The following SMYD3 variants were observed in gnomAD, a reference collection of about 807,000 sequenced individuals.
The protein encoded by SMYD3 is histone-lysine N-methyltransferase SMYD3.
In SMYD3, 36 loss-of-function variants were observed where a neutral mutation model predicts 57.7. The ratio of observed to expected loss-of-function variants is 0.62; its 90% CI spans 0.48 to 0.82. The LOEUF (loss-of-function observed/expected upper bound fraction) is 0.82. Among genes scored for constraint, SMYD3 ranks in the 40% least tolerant of loss-of-function variants. The pLI, the probability that SMYD3 is intolerant of heterozygous loss-of-function variation, is 0.00. For synonymous variants in SMYD3, 211 were observed against 195.0 expected (o/e 1.08, Z -0.68); for missense variants, 515 against 538.8 (o/e 0.96, Z 0.44).
intron 10 of SMYD3, among the ~76,000 whole-genome samples, chr1:245,838,953 T>C (rs2050244794): frequency 6.6e-6 from 1 of 152,216 alleles, no homozygotes; most frequent in Admixed American, 6.5e-5. Flanking sequence ...CTCTGAATCC[T>C]GAACTTGGAA....
At position 246,507,257 on chromosome 1, in the gene SMYD3, C is replaced by T; in HGVS notation, c.-40G>A. Reference sequence around the variant, plus strand: ...GGCACCTCAGACGGCTACCCGCGTCCAGCAGCGGGCGTCTCACGGGCTGCC... The same window carrying T: ...GGCACCTCAGACGGCTACCCGCGTCTAGCAGCGGGCGTCTCACGGGCTGCC... On this transcript the variant is annotated 5_prime_UTR_variant, in exon 1 of 12. Transcript: ENST00000490107. The T allele has an allele frequency of 1.4e-6, 2 of 1,455,902 alleles. No individual in the cohort carries two copies. The highest frequency in any genetic ancestry group is 1.8e-6 in the Non-Finnish European group (2 of 1,097,234). 90.2% of individuals were successfully genotyped at this position (1,455,902 alleles called of 1,614,324 possible).
Position 245,856,042 on chromosome 1 carries a change from C to T in SMYD3, c.1076+2454G>A, listed in dbSNP as rs146644777. 5.9e-5 allele frequency among the ~76,000 whole-genome samples: 9 copies of T among 152,362 alleles called. No individual in the cohort carries two copies. The East Asian group carries it at 1.4e-3, about 23-fold the overall frequency. On this transcript the variant is annotated intron_variant, in intron 10 of 11. Transcript: ENST00000490107. ...GAGCCGATGCGGGGGGCTGAGAGCA[C>T]TCAGTGTGAATTCCCTCATGCACAT... is the stretch of plus-strand genomic sequence containing the variant.
chr1:245,962,777 C>T (rs1333374083), intron 5 of SMYD3, among the ~76,000 whole-genome samples: 1 of 141,728 alleles, frequency 7.1e-6, no homozygotes, highest in African/African-American at 2.5e-5. Flanking sequence ...CCAAAGTCGG[C>T]CTGAATACAT....
intron 5 of SMYD3, among the ~76,000 whole-genome samples, chr1:246,194,113 T>C (rs1182291639): frequency 2.6e-5 from 4 of 152,208 alleles, no homozygotes; most frequent in Non-Finnish European, 4.4e-5. Flanking sequence ...AAGAGGTACA[T>C]GAGCAATGGC....
chr1:246,190,946 C>A (rs1016613232), intron 5 of SMYD3, among the ~76,000 whole-genome samples: 2 of 152,188 alleles, frequency 1.3e-5, no homozygotes, highest in Admixed American at 1.3e-4. Context: ...ACTATACTAG[C>A]AAAGCTTACC....
At chr1:246,318,331 T>A (rs2065196929) in intron 5 of SMYD3, among the ~76,000 whole-genome samples, 1 of 152,182 alleles carries the variant, frequency 6.6e-6, no homozygotes, top group Non-Finnish European at 1.5e-5. Flanking sequence ...TATGATCACA[T>A]GACTGCACTC....
intron 1 of SMYD3, among the ~76,000 whole-genome samples, chr1:246,392,133 G>T (rs1264630981): frequency 2.0e-5 from 3 of 151,966 alleles, no homozygotes; most frequent in Non-Finnish European, 4.4e-5. Flanking sequence ...GCAGCATCAG[G>T]TTCTATCACA....
intron 1 of SMYD3, among the ~76,000 whole-genome samples, chr1:246,434,973 A>C (rs2067349369): frequency 6.6e-6 from 1 of 152,228 alleles, no homozygotes; most frequent in African/African-American, 2.4e-5. Context: ...CCCATGGAAT[A>C]CTTAGCCATA....
intron 1 of SMYD3, among the ~76,000 whole-genome samples, chr1:246,481,625 T>C (rs144192406): frequency 0.23 from 19,969 of 88,474 alleles, 2,897 homozygotes; most frequent in Middle Eastern, 0.33. Flanking sequence ...CATATATACA[T>C]ACATACATAC....
At chr1:246,381,601 G>A (rs2066386847) in intron 1 of SMYD3, among the ~76,000 whole-genome samples, 2 of 152,214 alleles carry the variant, frequency 1.3e-5, no homozygotes, top group Non-Finnish European at 2.9e-5. Flanking sequence ...GACTTCCTTA[G>A]AGGAGTGAGT....
chr1:245,799,150 T>G (rs1456843979), intron 10 of SMYD3, among the ~76,000 whole-genome samples: 1 of 152,200 alleles, frequency 6.6e-6, no homozygotes, highest in Non-Finnish European at 1.5e-5. Flanking sequence ...CTTATTCCTA[T>G]TAGGTACAGA....
chr1:246,228,342 C>T (rs1455937419), intron 5 of SMYD3, among the ~76,000 whole-genome samples: 2 of 152,126 alleles, frequency 1.3e-5, no homozygotes, highest in East Asian at 1.9e-4. Context: ...TCCATGTTTA[C>T]TTATCATTAA....
At chr1:246,254,814 G>A (rs2063855335) in intron 5 of SMYD3, among the ~76,000 whole-genome samples, 1 of 152,146 alleles carries the variant, frequency 6.6e-6, no homozygotes, top group Non-Finnish European at 1.5e-5. Context: ...TCTTTCAGCA[G>A]TGTTTTCTAA....
chr1:246,181,799 T>C (rs2062555659), intron 5 of SMYD3, among the ~76,000 whole-genome samples: 1 of 152,184 alleles, frequency 6.6e-6, no homozygotes, highest in South Asian at 2.1e-4. Flanking sequence ...TGGGCTAACA[T>C]ATCCTCCAGA....
intron 11 of SMYD3, among the ~76,000 whole-genome samples, chr1:245,757,567 A>G (rs925285841): frequency 2.0e-5 from 3 of 152,022 alleles, no homozygotes; most frequent in Non-Finnish European, 4.4e-5. Context: ...TTTTGCTCAT[A>G]TGTTTAGGTC....
chr1:246,138,990 C>G (rs1009784534), intron 5 of SMYD3, among the ~76,000 whole-genome samples: 7 of 152,164 alleles, frequency 4.6e-5, no homozygotes, highest in Non-Finnish European at 8.8e-5. Context: ...CTGAGCTATA[C>G]AGAGGAAGGG....
rs150690425 is a variant in SMYD3 at position 245,835,271 on chromosome 1, C to A, written c.1076+23225G>T. Reference sequence around the variant, plus strand: ...AGTAGCTGGGACCACAGACTTGCGCCACCACACCCAGCTAATTTTTGTATT... The same window carrying A: ...AGTAGCTGGGACCACAGACTTGCGCAACCACACCCAGCTAATTTTTGTATT... On this transcript the variant is annotated intron_variant, in intron 10 of 11. Coordinates refer to ENST00000490107, the MANE Select transcript of SMYD3 (RefSeq NM_001167740.2). 3.4e-3 allele frequency among the ~76,000 whole-genome samples: 510 copies of A among 152,106 alleles called. 2 individuals are homozygous for A. Among genetic ancestry groups the A allele is most frequent in the African/African-American group, 0.011 (467 of 41,490 alleles).
chr1:245,883,573 T>C (rs558994473), intron 8 of SMYD3, among the ~76,000 whole-genome samples: 2 of 152,314 alleles, frequency 1.3e-5, no homozygotes, highest in African/African-American at 4.8e-5. Context: ...AATAATTTCT[T>C]TCTTTTGGGG....
chr1:246,125,071 CA>C (rs35080862), intron 5 of SMYD3, among the ~76,000 whole-genome samples: 5,511 of 121,666 alleles, frequency 0.045, 277 homozygotes, highest in African/African-American at 0.13. Context: ...GACTCCGTCT[CA>C]AAAAAAAAAA....
Sources: allele counts gnomAD v4.1 joint callset (sites outside exome capture counted in the v4.1 genomes callset), GRCh38; gene constraint gnomAD v4.1.1; transcripts MANE v1.5; gene names NCBI Gene and HGNC (gene_info 2026-07-23, HGNC 2026-07-21).